MAP4: variants seen among roughly 807,000 people sequenced by gnomAD.
MAP4 encodes microtubule associated protein 4.
Under a neutral mutation model 170.2 loss-of-function variants are expected in MAP4, and 76 were observed. That is an observed-to-expected ratio of 0.45 (90% CI 0.37 to 0.54). The LOEUF is 0.54. Ranked by LOEUF, MAP4 falls within the 20% of genes least tolerant of loss-of-function variation. MAP4 has a pLI of 0.00. For synonymous variants in MAP4, 909 were observed against 994.5 expected (o/e 0.91, Z 1.62); for missense variants, 2,506 against 2,748.0 (o/e 0.91, Z 1.97).
intron 10 of MAP4, among the ~76,000 whole-genome samples, chr3:47,902,150 T>C (rs1481940991): frequency 6.6e-6 from 1 of 152,148 alleles, no homozygotes; most frequent in African/African-American, 2.4e-5. Flanking sequence ...TGATACCTTG[T>C]CTCAAAAAAA....
chr3:47,998,970 A>C, intron 1 of MAP4, 91 bp from the exon 2 acceptor site: 1 of 751,266 alleles, frequency 1.3e-6, no homozygotes. Context: ...GAAACAAACA[A>C]AAGAATCAAA....
Position 47,871,005 on chromosome 3 carries a change from G to A in MAP4, c.6102C>T (p.Val2034=), listed in dbSNP as rs779143263. The A allele has an allele frequency of 1.2e-6, 2 of 1,614,062 alleles. No individual in the cohort carries two copies. Among genetic ancestry groups the A allele is most frequent in the South Asian group, 1.1e-5 (1 of 91,088 alleles). ...GCCGGGAGGGCATGGGTGTGGCCTT[G>A]ACTCGGCTGGGAACCACCCCTGCAG... ...APAAGVVPSR[V]KATPMPSRPS... The change falls in exon 15 of 21, where the codon GTC becomes GTT. Residue 2034 remains valine (V), a synonymous_variant. Transcript: ENST00000683076.
chr3:47,952,801 G>A (rs1191183854), intron 3 of MAP4, among the ~76,000 whole-genome samples: 1 of 152,064 alleles, frequency 6.6e-6, no homozygotes, highest in Non-Finnish European at 1.5e-5. Context: ...GCATGAGCCT[G>A]TAGTCCCAAC....
chr3:47,979,172 A>T (rs1018477425), intron 2 of MAP4, among the ~76,000 whole-genome samples: 6 of 151,698 alleles, frequency 4.0e-5, no homozygotes, highest in Non-Finnish European at 8.8e-5. Flanking sequence ...TGGTGTAATG[A>T]TGTGGGTCTA....
Position 47,853,207 on chromosome 3 carries a change from T to C in MAP4, c.6842A>G (p.Asp2281Gly). 1 of 1,579,728 alleles carries C rather than the reference T, an allele frequency of 6.3e-7. No individual in the cohort carries two copies. The highest frequency in any genetic ancestry group is 1.2e-5 in the South Asian group (1 of 86,184). Residue 2281 changes from aspartate to glycine, a missense_variant, in exon 20 of 21, where the codon GAC becomes GGC. By Grantham distance (94) the Asp-to-Gly change is moderately conservative. Coordinates refer to ENST00000683076, the MANE Select transcript of MAP4 (RefSeq NM_001385682.1). The stretch of plus-strand genomic sequence containing the variant: ...GTCCAAGGTCTGGGCCTCCCTTTGG[T>C]CACCACCCCCTGACAGGGTGGGGTG... ...NGHPTLSGGG[D>G]QREAQTLDSQ...
chr3:47,938,654 G>C lies in MAP4; in HGVS notation c.293-10304C>G, dbSNP rs566378176. Among the ~76,000 whole-genome samples, 338 of 152,320 alleles carry C rather than the reference G, an allele frequency of 2.2e-3. 1 individual carries two copies. Among genetic ancestry groups the C allele is most frequent in the Non-Finnish European group, 4.1e-3 (276 of 68,016 alleles). ...CGGATTTGACCTCCCAAAGTGCTAG[G>C]ATTACATGCATGAGCCTCTATACCA... On this transcript the variant is annotated intron_variant, in intron 3 of 20. Transcript: ENST00000683076.
chr3:48,073,723 A>C (rs935481369), intron 1 of MAP4, among the ~76,000 whole-genome samples: 2 of 152,210 alleles, frequency 1.3e-5, no homozygotes, highest in Non-Finnish European at 2.9e-5. Flanking sequence ...AAATAAGAAA[A>C]TAATTCCATT....
intron 1 of MAP4, among the ~76,000 whole-genome samples, chr3:48,006,037 T>C (rs2100102126): frequency 1.3e-5 from 2 of 152,202 alleles, no homozygotes; most frequent in South Asian, 4.1e-4. Context: ...AATCACGGTA[T>C]TCCTAGAAGT....
intron 3 of MAP4, among the ~76,000 whole-genome samples, chr3:47,963,855 C>G (rs925733547): frequency 2.0e-5 from 3 of 152,044 alleles, no homozygotes; most frequent in Non-Finnish European, 2.9e-5. Context: ...TCAAGTAGAA[C>G]AGTGGGACGA....
chr3:48,007,457 G>A (rs1394011569), intron 1 of MAP4, among the ~76,000 whole-genome samples: 2 of 152,172 alleles, frequency 1.3e-5, no homozygotes, highest in Non-Finnish European at 2.9e-5. Context: ...TTTGAGTGGG[G>A]TCCAGAACAG....
chr3:47,877,654 G>A, intron 10 of MAP4, 131 bp from the exon 11 acceptor site: 1 of 584,562 alleles, frequency 1.7e-6, no homozygotes. Flanking sequence ...GGGTTGTGCT[G>A]CTGAAATGTG....
At chr3:48,002,975 A>G (rs1010086091) in intron 1 of MAP4, among the ~76,000 whole-genome samples, 3 of 150,348 alleles carry the variant, frequency 2.0e-5, no homozygotes, top group African/African-American at 7.3e-5. Flanking sequence ...ATAAATAAAT[A>G]AATAAATAAA....
Position 48,022,390 on chromosome 3 carries a change from G to A in MAP4, c.-19-23511C>T, listed in dbSNP as rs139910242. Among the ~76,000 whole-genome samples the A allele has an allele frequency of 3.9e-5, 6 of 152,276 alleles. 1 individual carries two copies. The highest frequency in any genetic ancestry group is 1.4e-4 in the African/African-American group (6 of 41,554). ...GAATACAGCCTCGGCAAGGTGGCAA[G>A]AAGGGAGGGAGGGAAATTCCCCTCA... On this transcript the variant is annotated intron_variant, in intron 1 of 18. Coordinates refer to the MAP4 transcript ENST00000360240.
chr3:48,024,600 T>C (rs532889578), intron 1 of MAP4, among the ~76,000 whole-genome samples: 93 of 151,910 alleles, frequency 6.1e-4, no homozygotes, highest in Non-Finnish European at 9.6e-4. Context: ...ATGGAAGGAG[T>C]TGAAATTCCT....
intron 10 of MAP4, among the ~76,000 whole-genome samples, chr3:47,886,996 C>A (rs2097700873): frequency 6.6e-6 from 1 of 152,230 alleles, no homozygotes; most frequent in Non-Finnish European, 1.5e-5. Flanking sequence ...CTATCATAGG[C>A]AGTCACCACA....
chr3:48,073,869 C>G (rs773058906), intron 1 of MAP4, among the ~76,000 whole-genome samples: 14 of 152,168 alleles, frequency 9.2e-5, no homozygotes, highest in Non-Finnish European at 1.9e-4. Context: ...GACTGTAAAA[C>G]TAGTTCAACC....
At chr3:47,935,887 C>T (rs1027951340) in intron 3 of MAP4, among the ~76,000 whole-genome samples, 1 of 141,132 alleles carries the variant, frequency 7.1e-6, no homozygotes, top group Admixed American at 7.4e-5. Context: ...TGCAGTGAGC[C>T]GAGATCACAC....
rs1318017980 is a variant in MAP4, at chr3:47,917,155, C to T, written c.672G>A (p.Lys224=). ...QPTAVPLELA[K]EIEMASEERP... ...TCTCTTCTGATGCCATTTCTATCTC[C>T]TTGGCTAGCTCTAAGGGAACTAAAT... The change falls in exon 7 of 21, where the codon AAG becomes AAA. Residue 224 remains lysine, a synonymous_variant. Coordinates refer to ENST00000683076, the MANE Select transcript of MAP4 (RefSeq NM_001385682.1). 1 of 1,613,746 alleles carries T rather than the reference C, an allele frequency of 6.2e-7. No individual in the cohort carries two copies. Among genetic ancestry groups the T allele is most frequent in the Non-Finnish European group, 8.5e-7 (1 of 1,179,850 alleles).
At chr3:48,058,863 T>C (rs918149992) in intron 1 of MAP4, among the ~76,000 whole-genome samples, 1 of 152,176 alleles carries the variant, frequency 6.6e-6, no homozygotes, top group Non-Finnish European at 1.5e-5. Context: ...CACTGCAACC[T>C]CCACCTCCTG....
Sources: allele counts gnomAD v4.1 joint callset (sites outside exome capture counted in the v4.1 genomes callset), GRCh38; gene constraint gnomAD v4.1.1; transcripts MANE v1.5; gene names NCBI Gene and HGNC (gene_info 2026-07-23, HGNC 2026-07-21).